Variants in NKAIN3 observed in about 807,000 individuals in gnomAD.
NKAIN3 encodes the protein sodium/potassium transporting ATPase interacting 3.
A neutral mutation model predicts 30.2 loss-of-function variants in NKAIN3; 25 were observed. The observed-to-expected ratio is 0.83, with a 90% CI of 0.60 to 1.16. The LOEUF (loss-of-function observed/expected upper bound fraction) is 1.16, where lower values mean the gene tolerates loss of function less well. Among genes scored for constraint, NKAIN3 ranks in the 50% most tolerant of loss-of-function variants. The probability of loss-of-function intolerance (pLI) is 0.00; values close to 1 mark genes in which losing one functional copy is unlikely to be tolerated. For synonymous variants in NKAIN3, 91 were observed against 89.6 expected, an observed-to-expected ratio of 1.02 and a Z score of -0.09; for missense variants, 225 against 254.1, an observed-to-expected ratio of 0.89 and a Z score of 0.78.
At chr8:62,450,814 A>G (rs970402542) in intron 1 of NKAIN3, among the ~76,000 whole-genome samples, 1 of 152,230 alleles carries the variant, frequency 6.6e-6, no homozygotes, top group Non-Finnish European at 1.5e-5. Flanking sequence ...GATGAAATTC[A>G]TAAATAAAGG....
chr8:62,729,040 C>CAAAAAAAAAAAAAA (rs1317282077), intron 3 of NKAIN3, among the ~76,000 whole-genome samples: 6 of 61,206 alleles, frequency 9.8e-5, no homozygotes, highest in Non-Finnish European at 1.5e-4. Context: ...AAAAAAAAAA[C>CAAAAAAAAAAAAAA]AAAAAAAAAA....
chr8:62,947,832 C>G (rs1311893506), intron 5 of NKAIN3, among the ~76,000 whole-genome samples: 3 of 152,234 alleles, frequency 2.0e-5, no homozygotes, highest in Admixed American at 1.3e-4. Flanking sequence ...GACTTGCCTG[C>G]CATGTGAATG....
intron 1 of NKAIN3, among the ~76,000 whole-genome samples, chr8:62,276,963 A>G (rs979478054): frequency 2.0e-5 from 3 of 152,114 alleles, no homozygotes; most frequent in Admixed American, 6.6e-5. Flanking sequence ...TTTACCATAT[A>G]AGATTCTAAA....
intron 1 of NKAIN3, among the ~76,000 whole-genome samples, chr8:62,376,432 T>G (rs1171355638): frequency 6.6e-6 from 1 of 152,224 alleles, no homozygotes; most frequent in Non-Finnish European, 1.5e-5. Flanking sequence ...GCTTATCATC[T>G]AAATGCTGTC....
intron 1 of NKAIN3, among the ~76,000 whole-genome samples, chr8:62,472,333 A>C (rs1195398714): frequency 6.6e-6 from 1 of 152,198 alleles, no homozygotes; most frequent in Non-Finnish European, 1.5e-5. Context: ...GAAGCTGTGC[A>C]GGCAGTCCAT....
At chr8:62,518,763 G>T (rs1027580464) in intron 1 of NKAIN3, among the ~76,000 whole-genome samples, 1 of 152,120 alleles carries the variant, frequency 6.6e-6, no homozygotes, top group Non-Finnish European at 1.5e-5. Flanking sequence ...TAGTTTGTCT[G>T]TGTATTTGAG....
chr8:62,822,923 C>T (rs1356911997), intron 4 of NKAIN3, among the ~76,000 whole-genome samples: 3 of 152,148 alleles, frequency 2.0e-5, no homozygotes, highest in Non-Finnish European at 2.9e-5. Flanking sequence ...CAAACCTGTA[C>T]AGCATGTTAT....
intron 3 of NKAIN3, among the ~76,000 whole-genome samples, chr8:62,705,334 A>C (rs1306355580): frequency 6.6e-6 from 1 of 152,164 alleles, no homozygotes; most frequent in Non-Finnish European, 1.5e-5. Context: ...TGAGGAGAAG[A>C]CCAACTGAAC....
intron 3 of NKAIN3, among the ~76,000 whole-genome samples, chr8:62,721,604 G>T (rs1337799188): frequency 6.6e-6 from 1 of 152,144 alleles, no homozygotes; most frequent in African/African-American, 2.4e-5. Context: ...GCCAAGTGTT[G>T]CCTTAGAGTA....
chr8:62,942,217 TATATATAC>T (rs1214954442), intron 5 of NKAIN3, among the ~76,000 whole-genome samples: 3 of 34,360 alleles, frequency 8.7e-5, no homozygotes, highest in Non-Finnish European at 1.6e-4. Context: ...TATATACACA[TATATATAC>T]ATATATATAC....
chr8:62,568,216 T>C (rs1809816665), intron 1 of NKAIN3, among the ~76,000 whole-genome samples: 2 of 152,214 alleles, frequency 1.3e-5, no homozygotes, highest in South Asian at 2.1e-4. Flanking sequence ...TTAAACAGTA[T>C]GCATTTTGAC....
intron 5 of NKAIN3, among the ~76,000 whole-genome samples, chr8:62,926,087 T>C (rs1822434711): frequency 6.6e-6 from 1 of 152,062 alleles, no homozygotes; most frequent in Non-Finnish European, 1.5e-5. Context: ...AATGTGGGAT[T>C]TGGGATGCAG....
chr8:62,908,752 C>A (rs1391129400), intron 4 of NKAIN3, among the ~76,000 whole-genome samples: 4 of 152,180 alleles, frequency 2.6e-5, no homozygotes, highest in Non-Finnish European at 4.4e-5. Flanking sequence ...TCCATTAAAC[C>A]TCTTTCCTTT....
chr8:62,503,378 A>T (rs145594790), intron 1 of NKAIN3, among the ~76,000 whole-genome samples: 112 of 152,308 alleles, frequency 7.4e-4, no homozygotes, highest in African/African-American at 2.4e-3. Flanking sequence ...CATGCTTCTG[A>T]GGAAATAGGA....
chr8:62,801,437 C>G (rs1405774720), intron 4 of NKAIN3, among the ~76,000 whole-genome samples: 2 of 152,228 alleles, frequency 1.3e-5, no homozygotes, highest in African/African-American at 4.8e-5. Context: ...GAGGAATGAT[C>G]AGACAGCAGC....
intron 1 of NKAIN3, among the ~76,000 whole-genome samples, chr8:62,316,613 AT>A (rs1223816440): frequency 6.6e-6 from 1 of 152,010 alleles, no homozygotes; most frequent in Non-Finnish European, 1.5e-5. Context: ...TGAACTCATC[AT>A]TTTTTATGGC....
chr8:62,817,054 G>T (rs1325738805), intron 4 of NKAIN3, among the ~76,000 whole-genome samples: 1 of 152,104 alleles, frequency 6.6e-6, no homozygotes, highest in Admixed American at 6.5e-5. Flanking sequence ...CTCCCAGCCA[G>T]GTGCTTTGCT....
chr8:62,761,513 T>C (rs1816663336), intron 4 of NKAIN3, among the ~76,000 whole-genome samples: 1 of 152,178 alleles, frequency 6.6e-6, no homozygotes, highest in Non-Finnish European at 1.5e-5. Context: ...GTTTACTTAG[T>C]ATATTGAGTA....
At chr8:62,259,279 C>T (rs1204826597) in intron 1 of NKAIN3, among the ~76,000 whole-genome samples, 5 of 152,088 alleles carry the variant, frequency 3.3e-5, no homozygotes, top group African/African-American at 4.8e-5. Context: ...TTCTATGTTG[C>T]ACTTTTCAGT....
Sources: allele counts gnomAD v4.1 joint callset (sites outside exome capture counted in the v4.1 genomes callset), GRCh38; gene constraint gnomAD v4.1.1; transcripts MANE v1.5; gene names NCBI Gene and HGNC (gene_info 2026-07-23, HGNC 2026-07-21).